Variants in SLC4A8 observed in about 807,000 individuals in gnomAD.
SLC4A8 encodes the protein solute carrier family 4 member 8.
In SLC4A8, 40 loss-of-function variants were observed where a neutral mutation model predicts 125.0. The observed-to-expected ratio is 0.32, with a 90% CI of 0.25 to 0.42. The LOEUF is 0.42. Ranked by LOEUF, SLC4A8 falls within the 10% of genes least tolerant of loss-of-function variation. SLC4A8 has a pLI of 1.00. For synonymous variants in SLC4A8, 456 were observed against 476.0 expected (o/e 0.96, Z 0.55); for missense variants, 863 against 1,355.1 (o/e 0.64, Z 5.70).
chr12:51,512,743 C>A lies in SLC4A8; in HGVS notation c.*5305C>A, dbSNP rs1172528862. On this transcript the variant is annotated 3_prime_UTR_variant, in exon 25 of 25. Coordinates refer to ENST00000453097, the MANE Select transcript of SLC4A8 (RefSeq NM_001039960.3). ...CATTGTTACTACTAGTCTTTGTGTA[C>A]CTATCTGGAGGGACATTAAAAAAAT... 6.6e-6 allele frequency: 1 copy of A among 151,992 alleles called. No homozygotes were observed. The highest frequency in any genetic ancestry group is 2.4e-5 in the African/African-American group (1 of 41,380). 9.4% of individuals were successfully genotyped at this position (151,992 alleles called of 1,614,324 possible).
chr12:51,447,052 G>GTCTATCTATCTATCTATCTATCTA (rs386363007), intron 2 of SLC4A8, among the ~76,000 whole-genome samples: 1 of 149,250 alleles, frequency 6.7e-6, no homozygotes, highest in Non-Finnish European at 1.5e-5. Context: ...CTGTCTGTCT[G>GTCTATCTATCTATCTATCTATCTA]TCTGTCTATC....
chr12:51,406,847 G>T (rs1948498352), intron 1 of SLC4A8, among the ~76,000 whole-genome samples: 1 of 152,206 alleles, frequency 6.6e-6, no homozygotes, highest in African/African-American at 2.4e-5. Flanking sequence ...GCAGGGGACT[G>T]CAGCTAATGA....
At chr12:51,408,330 A>G (rs1592143994) in intron 1 of SLC4A8, among the ~76,000 whole-genome samples, 1 of 152,116 alleles carries the variant, frequency 6.6e-6, no homozygotes, top group Non-Finnish European at 1.5e-5. Flanking sequence ...CCTGGGTTCA[A>G]GTGACTCTCA....
chr12:51,462,233 T>G, intron 9 of SLC4A8, 77 bp from the exon 10 acceptor site: 2 of 1,339,372 alleles, frequency 1.5e-6, no homozygotes, highest in Non-Finnish European at 2.1e-6. Context: ...GTTGTATTCA[T>G]TTTTCACCAT....
Position 51,450,965 on chromosome 12 carries a change from C to A in SLC4A8, c.220C>A (p.Arg74=). ...CACTCATGGCCAGAAGCACCGGAGA[C>A]GAGGGCGGGGCAAAGGAGCCAGCCA... ...HRTHGQKHRR[R]GRGKGASQGE... The change falls in exon 3 of 25, where the codon CGA becomes AGA. Residue 74 remains arginine (R), a synonymous_variant. Coordinates refer to ENST00000453097, the MANE Select transcript of SLC4A8 (RefSeq NM_001039960.3). 1 of 1,594,976 alleles carries A rather than the reference C, an allele frequency of 6.3e-7. No individual in the cohort carries two copies. Among genetic ancestry groups the A allele is most frequent in the Non-Finnish European group, 8.6e-7 (1 of 1,169,040 alleles).
chr12:51,394,058 C>A (rs1258288291), intron 1 of SLC4A8, among the ~76,000 whole-genome samples: 2 of 152,186 alleles, frequency 1.3e-5, no homozygotes, highest in African/African-American at 2.4e-5. Flanking sequence ...CCACCTCTGC[C>A]CTTTGACCCT....
At chr12:51,487,630 G>C (rs557698115) in intron 17 of SLC4A8, among the ~76,000 whole-genome samples, 5 of 152,180 alleles carry the variant, frequency 3.3e-5, no homozygotes, top group Non-Finnish European at 7.4e-5. Context: ...CTGCAGGGGT[G>C]GGGTAAGGAT....
chr12:51,493,629 T>C, intron 19 of SLC4A8, 75 bp from the exon 20 acceptor site: 1 of 935,116 alleles, frequency 1.1e-6, no homozygotes, highest in South Asian at 1.4e-5. Context: ...CTTGGAGATT[T>C]AAAAGTGTAT....
chr12:51,479,698 AAG>A (rs1491414902), intron 16 of SLC4A8, among the ~76,000 whole-genome samples: 57,961 of 134,776 alleles, frequency 0.43, 11,844 homozygotes, highest in Non-Finnish European at 0.48. Flanking sequence ...AAAAAAAAAA[AAG>A]AAATGTGGAC....
chr12:51,472,436 T>C (rs1282141752), intron 14 of SLC4A8, among the ~76,000 whole-genome samples: 5 of 152,234 alleles, frequency 3.3e-5, no homozygotes, highest in African/African-American at 1.2e-4. Context: ...TAATAAAAAA[T>C]TTATTAGAAC....
In SLC4A8 at chr12:51,507,627, C is replaced by T; in HGVS notation, c.*189C>T. On this transcript the variant is annotated 3_prime_UTR_variant, in exon 25 of 25. Coordinates refer to ENST00000453097, the MANE Select transcript of SLC4A8 (RefSeq NM_001039960.3). ...TGGAAGGCATCCAGCTATCCCCATA[C>T]CAGCAGCCAGTCACCAGATGTGAAT... The T allele has an allele frequency of 2.2e-6, 1 of 448,072 alleles. No homozygotes were observed. 27.8% of individuals were successfully genotyped at this position (448,072 alleles called of 1,614,324 possible). A position where few individuals can be genotyped will look rare whatever the true frequency, so the allele number is the denominator to read the frequency against.
chr12:51,394,512 GCAAC>G (rs1412614875), intron 1 of SLC4A8, among the ~76,000 whole-genome samples: 3 of 152,154 alleles, frequency 2.0e-5, no homozygotes, highest in Non-Finnish European at 2.9e-5. Flanking sequence ...GCTGGTACAG[GCAAC>G]TTTCGAAAAA....
At position 51,478,824 on chromosome 12, in the gene SLC4A8, C is replaced by T. The variant is rs1950935230; in HGVS notation, c.2172+3618C>T. On this transcript the variant is annotated intron_variant, in intron 16 of 24. Transcript: ENST00000453097. ...TCAGGATTCTGGTTGTGACTGGGGC[C>T]CCTGTCTCATAGGAGCTTAATACCA... Among the ~76,000 whole-genome samples the T allele has an allele frequency of 2.0e-5, 3 of 152,176 alleles. No individual in the cohort carries two copies. In the South Asian group the frequency reaches 6.2e-4, roughly 32 times the overall value.
chr12:51,500,027 T>C (rs1228440742), intron 22 of SLC4A8, among the ~76,000 whole-genome samples: 2 of 152,138 alleles, frequency 1.3e-5, no homozygotes, highest in Admixed American at 6.5e-5. Flanking sequence ...ATTTTGAAGA[T>C]AGAGCTGACA....
At chr12:51,434,269 A>G (rs1035529424) in intron 1 of SLC4A8, among the ~76,000 whole-genome samples, 1 of 152,214 alleles carries the variant, frequency 6.6e-6, no homozygotes, top group African/African-American at 2.4e-5. Context: ...TAAAGATTAA[A>G]GACTCTTTTA....
intron 16 of SLC4A8, 108 bp downstream of exon 16, chr12:51,475,314 G>A (rs868884): frequency 0.53 from 552,325 of 1,040,646 alleles, 148,299 homozygotes; most frequent in African/African-American, 0.58. Context: ...GGAGAACTCC[G>A]GATGTCCTGA....
intron 14 of SLC4A8, among the ~76,000 whole-genome samples, chr12:51,474,033 C>CAAAACA (rs1024549179): frequency 3.0e-5 from 3 of 99,952 alleles, no homozygotes; most frequent in East Asian, 3.1e-4. Context: ...AACAAAAAAA[C>CAAAACA]AAAACAAAAA....
chr12:51,472,480 G>A (rs552465260), intron 14 of SLC4A8, among the ~76,000 whole-genome samples: 1 of 152,184 alleles, frequency 6.6e-6, no homozygotes, highest in Non-Finnish European at 1.5e-5. Flanking sequence ...TGATTAGGGA[G>A]TATCATCTTC....
chr12:51,500,723 T>G lies in SLC4A8; in HGVS notation c.3082-3306T>G, dbSNP rs543443873. On this transcript the variant is annotated intron_variant, in intron 22 of 24. Coordinates refer to ENST00000453097, the MANE Select transcript of SLC4A8 (RefSeq NM_001039960.3). ...TTTTTTTGAGATGGAGTCTCGCTCT[T>G]TCGCCCAGGCTGGAGTGCAGTGGCG... Among the ~76,000 whole-genome samples, 245 of 152,042 alleles carry G rather than the reference T, an allele frequency of 1.6e-3. 1 individual carries two copies. The highest frequency in any genetic ancestry group is 3.5e-3 in the South Asian group (17 of 4,812).
Sources: allele counts gnomAD v4.1 joint callset (sites outside exome capture counted in the v4.1 genomes callset), GRCh38; gene constraint gnomAD v4.1.1; transcripts MANE v1.5; gene names NCBI Gene and HGNC (gene_info 2026-07-23, HGNC 2026-07-21).